Variants in NUP153 observed in about 807,000 individuals in gnomAD.
NUP153 encodes nucleoporin 153, also known as nuclear pore complex protein Nup153.
NUP153 carries 27 observed loss-of-function variants against 134.6 expected under a neutral mutation model. The ratio of observed to expected loss-of-function variants is 0.20; its 90% confidence interval spans 0.15 to 0.28. The LOEUF (loss-of-function observed/expected upper bound fraction) is 0.28, where lower values mean the gene tolerates loss of function less well. NUP153 is among the 10% of genes least tolerant of loss of function. The probability of loss-of-function intolerance (pLI) is 1.00; values close to 1 mark genes in which losing one functional copy is unlikely to be tolerated. For missense variants in NUP153, 1,821 were observed against 1,731.3 expected (o/e 1.05, Z -0.92); for synonymous variants, 640 against 623.5 (o/e 1.03, Z -0.40).
chr6:17,704,241 A>G (rs1176855558), intron 1 of NUP153, among the ~76,000 whole-genome samples: 6 of 151,902 alleles, frequency 3.9e-5, no homozygotes, highest in Non-Finnish European at 5.9e-5. Context: ...GCAGTGAGCC[A>G]AGATCGCGCC....
chr6:17,672,827 A>C (rs1026660712), intron 5 of NUP153, among the ~76,000 whole-genome samples: 1 of 152,172 alleles, frequency 6.6e-6, no homozygotes, highest in Non-Finnish European at 1.5e-5. Flanking sequence ...TTTTTTAAAA[A>C]AACTTTTTAA....
intron 2 of NUP153, among the ~76,000 whole-genome samples, chr6:17,685,150 A>T (rs1354493359): frequency 3.3e-5 from 5 of 152,236 alleles, no homozygotes; most frequent in Admixed American, 1.3e-4. Context: ...TATTTATAAA[A>T]TTAATATTTA....
intron 11 of NUP153, among the ~76,000 whole-genome samples, chr6:17,649,916 G>A (rs1766417916): frequency 6.6e-6 from 1 of 152,132 alleles, no homozygotes; most frequent in Non-Finnish European, 1.5e-5. Context: ...CAGATAAGGG[G>A]GTGAGGGGGA....
intron 14 of NUP153, among the ~76,000 whole-genome samples, chr6:17,644,335 T>C (rs553997645): frequency 3.3e-4 from 51 of 152,250 alleles, no homozygotes; most frequent in Middle Eastern, 6.8e-3. Context: ...CTCACCACAC[T>C]GCTATCACTA....
chr6:17,705,861 A>T (rs915314857), intron 1 of NUP153, among the ~76,000 whole-genome samples: 1 of 151,988 alleles, frequency 6.6e-6, no homozygotes, highest in Non-Finnish European at 1.5e-5. Context: ...AACACACTAA[A>T]GAAGGGACAC....
intron 17 of NUP153, among the ~76,000 whole-genome samples, chr6:17,630,190 T>C (rs1436502711): frequency 2.0e-5 from 3 of 152,314 alleles, no homozygotes; most frequent in Middle Eastern, 3.4e-3. Context: ...TAACCACAGT[T>C]ACATTTGGAA....
intron 17 of NUP153, among the ~76,000 whole-genome samples, chr6:17,631,952 C>A (rs964220620): frequency 1.3e-5 from 2 of 150,972 alleles, no homozygotes; most frequent in African/African-American, 2.4e-5. Context: ...GGCGACAGAG[C>A]AAGACACCAT....
At chr6:17,656,569 G>GT (rs1340757662) in intron 11 of NUP153, among the ~76,000 whole-genome samples, 1 of 152,060 alleles carries the variant, frequency 6.6e-6, no homozygotes, top group Non-Finnish European at 1.5e-5. Context: ...TACACGTGGG[G>GT]TTTTGCCATG....
At chr6:17,652,422 T>C (rs1266495151) in intron 11 of NUP153, among the ~76,000 whole-genome samples, 2 of 152,094 alleles carry the variant, frequency 1.3e-5, no homozygotes, top group African/African-American at 4.8e-5. Context: ...AAATAATCCA[T>C]GGGTCAAATA....
intron 5 of NUP153, 129 bp from the exon 6 acceptor site, chr6:17,669,675 T>G (rs1581735178): frequency 1.5e-6 from 1 of 662,456 alleles, no homozygotes; most frequent in East Asian, 2.7e-5. Context: ...AACAGCAATT[T>G]ATCTTTGGGT....
At position 17,637,257 on chromosome 6, in the gene NUP153, C is replaced by A. The variant is rs1765594539; in HGVS notation, c.2360G>T (p.Gly787Val). 6.2e-7 allele frequency: 1 copy of A among 1,614,182 alleles called. No individual in the cohort carries two copies. Among genetic ancestry groups the A allele is most frequent in the African/African-American group, 1.3e-5 (1 of 75,034 alleles). ...CTVTTGTLGF[G>V]DKFKRPIGSW... ...TCCAATGGGCCTTTTGAATTTATCTCCAAATCCTAAGGTACCAGTGGTTAC... is the reference window on the plus strand; with the variant it reads ...TCCAATGGGCCTTTTGAATTTATCTACAAATCCTAAGGTACCAGTGGTTAC... The change falls in exon 16 of 22, where the codon GGA (glycine) becomes GTA (valine). Residue 787 changes from glycine to valine, a missense_variant. Physicochemically the swap from Gly to Val is moderately radical, Grantham distance 109. Transcript: ENST00000262077.
intron 17 of NUP153, among the ~76,000 whole-genome samples, chr6:17,630,585 C>A (rs1765189192): frequency 6.6e-6 from 1 of 152,032 alleles, no homozygotes; most frequent in African/African-American, 2.4e-5. Context: ...ATTGCTTGAG[C>A]CCGGGAGGTA....
At chr6:17,677,496 A>C (rs1266901759) in intron 2 of NUP153, among the ~76,000 whole-genome samples, 2 of 152,194 alleles carry the variant, frequency 1.3e-5, no homozygotes, top group Non-Finnish European at 2.9e-5. Flanking sequence ...GCATTACAAG[A>C]CTTTAAAGCA....
rs553001358 is a variant in NUP153 at position 17,661,639 on chromosome 6, G to C, written c.1395+14C>G. ...TTAAATAAACCTCAAGAGTATATGAGTATACAACCCTACCTCCTCCTCCAG... is the reference window on the plus strand; with the variant it reads ...TTAAATAAACCTCAAGAGTATATGACTATACAACCCTACCTCCTCCTCCAG... On this transcript the variant is annotated intron_variant, in intron 11 of 21. Coordinates refer to ENST00000262077, the MANE Select transcript of NUP153 (RefSeq NM_005124.4). 6.1e-5 allele frequency: 98 copies of C among 1,611,376 alleles called. No individual in the cohort carries two copies. The Middle Eastern group carries it at 1.2e-3, about 19-fold the overall frequency.
rs184009845 is a variant in NUP153, at chr6:17,641,686, T to C, written c.1721-1622A>G. Among the ~76,000 whole-genome samples, 29 of 152,020 alleles carry C rather than the reference T, an allele frequency of 1.9e-4. No individual in the cohort carries two copies. In the East Asian group the frequency reaches 2.3e-3, roughly 12 times the overall value. On this transcript the variant is annotated intron_variant, in intron 14 of 21. Transcript: ENST00000262077. ...GGCTAACATGGTGAAACCCCGTTTCTACTAAAAATACAAAACAAATTAGCC... is the reference window on the plus strand; with the variant it reads ...GGCTAACATGGTGAAACCCCGTTTCCACTAAAAATACAAAACAAATTAGCC...
intron 1 of NUP153, among the ~76,000 whole-genome samples, chr6:17,701,840 G>T (rs903341214): frequency 9.6e-6 from 1 of 103,672 alleles, no homozygotes; most frequent in Non-Finnish European, 2.1e-5. Flanking sequence ...CTCGGGGGGG[G>T]GGGGAAAAAA....
Position 17,617,477 on chromosome 6 carries a change from A to G in NUP153, c.4175-782T>C, listed in dbSNP as rs1480437454. ...ATGTAGTGGGAATTAAAAAAAAAAA[A>G]AAAAAAAAAGGATGGCAGAGTATGT... On this transcript the variant is annotated intron_variant, in intron 20 of 21. Coordinates refer to ENST00000262077, the MANE Select transcript of NUP153 (RefSeq NM_005124.4). 2.0e-5 allele frequency among the ~76,000 whole-genome samples: 3 copies of G among 151,464 alleles called. No homozygotes were observed. The East Asian group carries it at 5.8e-4, about 29-fold the overall frequency.
At chr6:17,703,059 G>C (rs149181085) in intron 1 of NUP153, among the ~76,000 whole-genome samples, 1 of 129,098 alleles carries the variant, frequency 7.7e-6, no homozygotes, top group African/African-American at 2.8e-5. Context: ...TTAGCCGGGC[G>C]TGGTGGCGCA....
At chr6:17,665,216 G>T (rs370120523) in intron 9 of NUP153, 23 bp downstream of exon 9, 7 of 1,552,112 alleles carry the variant, frequency 4.5e-6, no homozygotes, top group Non-Finnish European at 5.3e-6. Flanking sequence ...TTCAAAGACT[G>T]GTAGAAATAT....
Sources: gnomAD v4.1 joint callset for allele counts (sites outside exome capture counted in the v4.1 genomes callset) on GRCh38, gnomAD v4.1.1 for gene constraint, MANE v1.5 for transcripts, NCBI Gene and HGNC (gene_info 2026-07-23, HGNC 2026-07-21) for gene names.